The following CIB4 variants were observed in gnomAD, a reference collection of about 807,000 sequenced individuals.
CIB4 encodes calcium and integrin binding family member 4, also known as calcium and integrin-binding family member 4.
A neutral mutation model predicts 25.8 loss-of-function variants in CIB4; 25 were observed. That is an observed-to-expected ratio of 0.97 (90% CI 0.71 to 1.35). The LOEUF (loss-of-function observed/expected upper bound fraction) is 1.35. Among genes scored for constraint, CIB4 ranks in the 40% most tolerant of loss-of-function variants. CIB4 has a pLI of 0.00. For missense variants in CIB4, 235 were observed against 228.2 expected, an observed-to-expected ratio of 1.03 and a Z score of -0.19; for synonymous variants, 75 against 81.4, an observed-to-expected ratio of 0.92 and a Z score of 0.42.
At chr2:26,583,056 C>T (rs1299262671) in intron 5 of CIB4, 143 bp from the exon 6 acceptor site, 4 of 604,644 alleles carry the variant, frequency 6.6e-6, no homozygotes, top group Non-Finnish European at 6.0e-6. Flanking sequence ...ACCCCAGTGA[C>T]CCCACAGAGA....
chr2:26,582,892 C>G lies in CIB4; in HGVS notation c.460G>C (p.Asp154His), dbSNP rs1351107815. ...GAGAAGGACAGCATGTTGTCATTGT[C>G]CAGATCCGACTCACTCAGGACCTGG... ...TNHVLSESDL[D>H]NDNMLSFSEF... The change falls in exon 6 of 7, where the codon GAC becomes CAC. Residue 154 changes from aspartate to histidine, a missense_variant. Transcript: ENST00000288861. The G allele has an allele frequency of 6.2e-7, 1 of 1,613,396 alleles. No homozygotes were observed. Among genetic ancestry groups the G allele is most frequent in the Non-Finnish European group, 8.5e-7 (1 of 1,179,480 alleles).
chr2:26,581,298 T>C lies in CIB4; in HGVS notation c.*65A>G. ...CATACTTCAAACCAGCTCCCTCCAG[T>C]GCTGGAGGGGGTTCGATTCCTGTGG... On this transcript the variant is annotated 3_prime_UTR_variant, in exon 7 of 7. Coordinates refer to ENST00000288861, the MANE Select transcript of CIB4 (RefSeq NM_001029881.3). 1 of 1,375,746 alleles carries C rather than the reference T, an allele frequency of 7.3e-7. No individual in the cohort carries two copies. The highest frequency in any genetic ancestry group is 1.0e-6 in the Non-Finnish European group (1 of 962,902). The allele number at this position is 1,375,746 out of a possible 1,614,324, so 85.2% of individuals were successfully genotyped here. A position where few individuals can be genotyped will look rare whatever the true frequency, so the allele number is the denominator to read the frequency against.
chr2:26,595,271 C>T lies in CIB4; in HGVS notation c.233G>A (p.Gly78Asp). The change falls in exon 4 of 7, where the codon GGC (glycine) becomes GAC (aspartate). Residue 78 changes from glycine (G) to aspartate (D), a missense_variant. Transcript: ENST00000288861. ...CAGCACATCCTCAAAGGAGAACATG[C>T]CTTTGTGGGAGAACACTCTGCAGAT... is the stretch of plus-strand genomic sequence containing the variant. ...DRICRVFSHK[G>D]MFSFEDVLGM... 4 of 1,614,118 alleles carry T rather than the reference C, an allele frequency of 2.5e-6. No individual in the cohort carries two copies. The highest frequency in any genetic ancestry group is 3.4e-6 in the Non-Finnish European group (4 of 1,179,982).
intron 4 of CIB4, among the ~76,000 whole-genome samples, chr2:26,590,083 A>G (rs965746335): frequency 6.6e-5 from 10 of 151,908 alleles, no homozygotes; most frequent in Non-Finnish European, 1.3e-4. Flanking sequence ...TTGTAATACC[A>G]TGGCCACTGC....
intron 4 of CIB4, among the ~76,000 whole-genome samples, chr2:26,590,307 G>A (rs145375958): frequency 1.4e-5 from 2 of 140,044 alleles, no homozygotes; most frequent in Non-Finnish European, 3.0e-5. Context: ...TCAATGTACA[G>A]CCAAGTGTGA....
chr2:26,628,380 C>G (rs1459323262), intron 3 of CIB4, among the ~76,000 whole-genome samples: 1 of 152,078 alleles, frequency 6.6e-6, no homozygotes, highest in African/African-American at 2.4e-5. Flanking sequence ...TCCCAGCCTC[C>G]CCCCACTGCT....
intron 3 of CIB4, among the ~76,000 whole-genome samples, chr2:26,619,251 C>T (rs930783011): frequency 5.9e-5 from 9 of 152,080 alleles, no homozygotes; most frequent in East Asian, 3.9e-4. Flanking sequence ...GGGCCCTCCC[C>T]GGGGGGTGAG....
intron 4 of CIB4, among the ~76,000 whole-genome samples, chr2:26,584,633 G>T (rs1668415856): frequency 6.6e-6 from 1 of 152,204 alleles, no homozygotes; most frequent in Non-Finnish European, 1.5e-5. Context: ...GGGCAAGAAT[G>T]GGCACCATTT....
At chr2:26,630,661 G>A (rs572156175) in intron 2 of CIB4, among the ~76,000 whole-genome samples, 3 of 152,084 alleles carry the variant, frequency 2.0e-5, no homozygotes, top group African/African-American at 4.8e-5. Flanking sequence ...CTGAGGCGTC[G>A]AGCAAGGTTC....
chr2:26,609,818 C>A (rs1032500537), intron 3 of CIB4, among the ~76,000 whole-genome samples: 1 of 152,150 alleles, frequency 6.6e-6, no homozygotes, highest in Admixed American at 6.5e-5. Context: ...ACAGTTTATA[C>A]GTTTTCCCAC....
In CIB4 at chr2:26,610,321, A is replaced by G. The variant is rs571669019; in HGVS notation, c.187-15004T>C. ...CCTCACTTTGAATCCACTGATATAAACAGAAATGGACTCGCACTGCAGCCT... is the reference window on the plus strand; with the variant it reads ...CCTCACTTTGAATCCACTGATATAAGCAGAAATGGACTCGCACTGCAGCCT... On this transcript the variant is annotated intron_variant, in intron 3 of 6. Coordinates refer to ENST00000288861, the MANE Select transcript of CIB4 (RefSeq NM_001029881.3). Among the ~76,000 whole-genome samples the G allele has an allele frequency of 3.7e-4, 57 of 152,286 alleles. 1 individual carries two copies. Among genetic ancestry groups the G allele is most frequent in the Admixed American group, 3.7e-3 (56 of 15,298 alleles).
At chr2:26,616,953 G>A (rs1438713292) in intron 3 of CIB4, among the ~76,000 whole-genome samples, 1 of 152,230 alleles carries the variant, frequency 6.6e-6, no homozygotes, top group African/African-American at 2.4e-5. Flanking sequence ...ATTGGAAGGT[G>A]AGGGGAGCAG....
chr2:26,639,893 T>C (rs112930511), intron 2 of CIB4, among the ~76,000 whole-genome samples: 122 of 152,246 alleles, frequency 8.0e-4, no homozygotes, highest in African/African-American at 2.8e-3. Flanking sequence ...GCACCTGGCT[T>C]GGCCCAAACA....
intron 4 of CIB4, among the ~76,000 whole-genome samples, chr2:26,589,825 T>C (rs1236866895): frequency 1.3e-5 from 2 of 152,158 alleles, no homozygotes; most frequent in Non-Finnish European, 2.9e-5. Context: ...CAAGAAAGCT[T>C]GTGAAAGGAG....
chr2:26,633,806 G>A (rs1413413772), intron 2 of CIB4, among the ~76,000 whole-genome samples: 5 of 152,162 alleles, frequency 3.3e-5, no homozygotes, highest in Admixed American at 6.5e-5. Context: ...GGCTGCCTGC[G>A]GGCTCAGGGG....
intron 3 of CIB4, among the ~76,000 whole-genome samples, chr2:26,609,199 C>T (rs945625175): frequency 1.6e-4 from 24 of 152,102 alleles, no homozygotes; most frequent in African/African-American, 5.6e-4. Context: ...TGAGTGGGGA[C>T]GCCCCTCTGG....
At chr2:26,598,862 G>A (rs1217307142) in intron 3 of CIB4, among the ~76,000 whole-genome samples, 2 of 152,118 alleles carry the variant, frequency 1.3e-5, no homozygotes, top group East Asian at 3.9e-4. Context: ...GCCCCTCCCT[G>A]CTCTCCATCC....
rs744540 is a variant in CIB4 at position 26,581,275 on chromosome 2, T to C, written c.*88A>G. On this transcript the variant is annotated 3_prime_UTR_variant, in exon 7 of 7. Coordinates refer to ENST00000288861, the MANE Select transcript of CIB4 (RefSeq NM_001029881.3). The stretch of plus-strand genomic sequence containing the variant: ...TGAGTGTGGGCCCAGTACAAAGTCA[T>C]ACTTCAAACCAGCTCCCTCCAGTGC... 0.62 allele frequency: 680,790 copies of C among 1,097,394 alleles called. 212,756 individuals are homozygous for C. Among genetic ancestry groups the C allele is most frequent in the East Asian group, 0.74 (31,258 of 42,410 alleles). 68.0% of individuals were successfully genotyped at this position (1,097,394 alleles called of 1,614,324 possible).
Position 26,582,867 on chromosome 2 carries a change from GAGA to G in CIB4, c.482_484del (p.Phe161del), listed in dbSNP as rs1668374463. On this transcript the variant is annotated inframe_deletion, in exon 6 of 7. Transcript: ENST00000288861. The stretch of plus-strand genomic sequence containing the variant: ...CTTGGCCATTGCATGTTCAAACTCT[GAGA>G]AGGACAGCATGTTGTCATTGTCCAG... 3 of 1,613,818 alleles carry G rather than the reference GAGA, an allele frequency of 1.9e-6. No individual in the cohort carries two copies. The highest frequency in any genetic ancestry group is 1.3e-5 in the African/African-American group (1 of 75,058).
Sources: allele counts gnomAD v4.1 joint callset (sites outside exome capture counted in the v4.1 genomes callset), GRCh38; gene constraint gnomAD v4.1.1; transcripts MANE v1.5; gene names NCBI Gene and HGNC (gene_info 2026-07-23, HGNC 2026-07-21).